The following CREB3L2 variants were observed in gnomAD, a reference collection of about 807,000 sequenced individuals.
CREB3L2 encodes cyclic AMP-responsive element-binding protein 3-like protein 2.
Under a neutral mutation model 57.2 loss-of-function variants are expected in CREB3L2, and 23 were observed. That is an observed-to-expected ratio of 0.40 (90% confidence interval 0.29 to 0.57). The LOEUF (loss-of-function observed/expected upper bound fraction) is 0.57. CREB3L2 is among the 20% of genes least tolerant of loss of function. The pLI, the probability that CREB3L2 is intolerant of heterozygous loss-of-function variation, is 0.42. For missense variants in CREB3L2, 628 were observed against 634.7 expected (o/e 0.99, Z 0.11); for synonymous variants, 268 against 265.1 (o/e 1.01, Z -0.11).
intron 1 of CREB3L2, among the ~76,000 whole-genome samples, chr7:137,942,815 G>A (rs746929725): frequency 1.3e-5 from 2 of 152,158 alleles, no homozygotes; most frequent in Non-Finnish European, 2.9e-5. Context: ...GAACAATGGT[G>A]GATAGCTGCT....
chr7:137,976,345 A>G (rs965934635), intron 1 of CREB3L2, among the ~76,000 whole-genome samples: 1 of 152,178 alleles, frequency 6.6e-6, no homozygotes, highest in African/African-American at 2.4e-5. Context: ...ATCGGCCCCA[A>G]ATTTCCTGCC....
At chr7:137,899,229 G>A (rs1040946267) in intron 8 of CREB3L2, among the ~76,000 whole-genome samples, 1 of 152,100 alleles carries the variant, frequency 6.6e-6, no homozygotes, top group Non-Finnish European at 1.5e-5. Flanking sequence ...AGGTAGTGGG[G>A]TCGGTCCTTC....
chr7:137,920,110 T>C (rs1413330503), intron 2 of CREB3L2, among the ~76,000 whole-genome samples: 1 of 151,606 alleles, frequency 6.6e-6, no homozygotes, highest in Non-Finnish European at 1.5e-5. Flanking sequence ...GTAAATAAGT[T>C]GCATTCCTGG....
chr7:137,977,151 G>A (rs533956527), intron 1 of CREB3L2, among the ~76,000 whole-genome samples: 22 of 152,240 alleles, frequency 1.4e-4, no homozygotes, highest in South Asian at 2.1e-4. Flanking sequence ...TTCCTCCCCC[G>A]TTATTCTGAC....
Position 137,880,566 on chromosome 7 carries a change from A to G in CREB3L2, c.1488-15T>C. 1 of 1,603,112 alleles carries G rather than the reference A, an allele frequency of 6.2e-7. No homozygotes were observed. Among genetic ancestry groups the G allele is most frequent in the Non-Finnish European group, 8.5e-7 (1 of 1,170,182 alleles). ...TGGCGCTGACCCTGTGAAGGCATTA[A>G]AAGGAAAACGAAGTATTAGTCACCA... On this transcript the variant is annotated splice_polypyrimidine_tract_variant and intron_variant, in intron 11 of 11. Transcript: ENST00000330387. This position sits in a 1 kb window ranked among gnomAD's most constrained non-coding sequence, Gnocchi z 4.0.
chr7:137,986,316 A>G (rs1279950949), intron 1 of CREB3L2, among the ~76,000 whole-genome samples: 1 of 152,350 alleles, frequency 6.6e-6, no homozygotes, highest in East Asian at 1.9e-4. Context: ...GTTAGACGAG[A>G]AAACAGACAA....
chr7:137,989,114 A>C (rs974129273), intron 1 of CREB3L2, among the ~76,000 whole-genome samples: 1 of 152,196 alleles, frequency 6.6e-6, no homozygotes, highest in African/African-American at 2.4e-5. Flanking sequence ...TGTTCCAAAA[A>C]AATCAAAAGA....
At chr7:137,904,075 T>C in intron 6 of CREB3L2, 58 bp from the exon 7 acceptor site, 1 of 1,408,462 alleles carries the variant, frequency 7.1e-7, no homozygotes, top group African/African-American at 1.4e-5. Context: ...GTAAACCAGT[T>C]AAGATGGGAG....
At chr7:137,893,821 G>T (rs1799567977) in intron 8 of CREB3L2, among the ~76,000 whole-genome samples, 1 of 152,212 alleles carries the variant, frequency 6.6e-6, no homozygotes. Flanking sequence ...CCTTAATTCT[G>T]TGAGGTCTGA....
At chr7:137,940,030 T>C (rs528917320) in intron 1 of CREB3L2, among the ~76,000 whole-genome samples, 3 of 152,342 alleles carry the variant, frequency 2.0e-5, no homozygotes, top group South Asian at 4.1e-4. Context: ...ATTGGTGTTG[T>C]TGATATCCCT....
Position 137,980,875 on chromosome 7 carries a change from T to A in CREB3L2, c.102+20729A>T, listed in dbSNP as rs1243332057. Among the ~76,000 whole-genome samples, 1 of 152,180 alleles carries A rather than the reference T, an allele frequency of 6.6e-6. No individual in the cohort carries two copies. Among genetic ancestry groups the A allele is most frequent in the African/African-American group, 2.4e-5 (1 of 41,440 alleles). On this transcript the variant is annotated intron_variant, in intron 1 of 11. Coordinates refer to ENST00000330387, the MANE Select transcript of CREB3L2 (RefSeq NM_194071.4). The surrounding 1 kb of genome is among the most constrained non-coding windows in gnomAD (Gnocchi z 4.3). ...TGCACTGGCCCCTGTTCCTCCACAA[T>A]GTGACCCCCCTTTGTCGCCAGCTAC...
intron 1 of CREB3L2, among the ~76,000 whole-genome samples, chr7:137,983,250 C>T (rs968379949): frequency 6.6e-6 from 1 of 152,302 alleles, no homozygotes; most frequent in Non-Finnish European, 1.5e-5. Flanking sequence ...AGAGGACTAT[C>T]TACCACACAG....
intron 3 of CREB3L2, among the ~76,000 whole-genome samples, chr7:137,913,740 T>C (rs1003601480): frequency 6.6e-6 from 1 of 152,100 alleles, no homozygotes; most frequent in African/African-American, 2.4e-5. Flanking sequence ...AAACACTGCT[T>C]CCACTCCCCC....
In CREB3L2 at chr7:137,953,569, G is replaced by A. The variant is rs748843380; in HGVS notation, c.103-25203C>T. On this transcript the variant is annotated intron_variant, in intron 1 of 11. Coordinates refer to ENST00000330387, the MANE Select transcript of CREB3L2 (RefSeq NM_194071.4). ...AGGGGAGAGTTGGGTGGGTGATGAC[G>A]GTCTCAGAATGTGACTCTAGAGAAA... 14 of 1,213,686 alleles carry A rather than the reference G, an allele frequency of 1.2e-5. No homozygotes were observed. In the East Asian group the frequency reaches 1.7e-4, roughly 15 times the overall value. 75.2% of individuals were successfully genotyped at this position (1,213,686 alleles called of 1,614,324 possible).
chr7:137,966,600 G>A (rs1801411337), intron 1 of CREB3L2, among the ~76,000 whole-genome samples: 1 of 152,128 alleles, frequency 6.6e-6, no homozygotes, highest in African/African-American at 2.4e-5. Context: ...ATTTTACAAA[G>A]AACAGGAAAT....
intron 1 of CREB3L2, among the ~76,000 whole-genome samples, chr7:137,989,801 G>T (rs1004343781): frequency 2.0e-5 from 3 of 152,020 alleles, no homozygotes; most frequent in African/African-American, 7.3e-5. Flanking sequence ...CCCATTCAAG[G>T]TCAACGGCAA....
intron 2 of CREB3L2, chr7:137,922,831 CATTT>C (rs1800366498): frequency 5.6e-6 from 1 of 178,036 alleles, no homozygotes; most frequent in Admixed American, 5.8e-5. Context: ...TTTAGCATTT[CATTT>C]GTTTGCCCTT....
chr7:137,989,024 A>G (rs557853426), intron 1 of CREB3L2, among the ~76,000 whole-genome samples: 1 of 152,200 alleles, frequency 6.6e-6, no homozygotes, highest in South Asian at 2.1e-4. Flanking sequence ...GAGAGAAAGA[A>G]AGAACCCTCA....
intron 4 of CREB3L2, among the ~76,000 whole-genome samples, chr7:137,909,880 A>G (rs144871165): frequency 6.6e-6 from 1 of 152,230 alleles, no homozygotes; most frequent in East Asian, 1.9e-4. Context: ...TTTCCCCCAT[A>G]CTGTTTTTGT....
Sources: allele counts gnomAD v4.1 joint callset (sites outside exome capture counted in the v4.1 genomes callset), GRCh38; gene constraint gnomAD v4.1.1; non-coding constraint Gnocchi (gnomAD v3.1); transcripts MANE v1.5; gene names NCBI Gene and HGNC (gene_info 2026-07-23, HGNC 2026-07-21).